Variants in SYT14 observed in about 807,000 individuals in gnomAD.
The protein encoded by SYT14 is synaptotagmin-14.
SYT14 carries 32 observed loss-of-function variants against 74.2 expected under a neutral mutation model. The observed-to-expected ratio is 0.43, with a 90% CI of 0.33 to 0.58. SYT14 has a LOEUF of 0.58. SYT14 is among the 20% of genes least tolerant of loss of function. The probability of loss-of-function intolerance (pLI) is 0.05; values close to 1 mark genes in which losing one functional copy is unlikely to be tolerated. For missense variants in SYT14, 791 were observed against 981.8 expected (o/e 0.81, Z 2.60); for synonymous variants, 298 against 337.7 (o/e 0.88, Z 1.29).
chr1:210,115,439 C>T (rs1286606921), intron 7 of SYT14, among the ~76,000 whole-genome samples: 9 of 151,296 alleles, frequency 5.9e-5, no homozygotes, highest in Non-Finnish European at 5.9e-5. Flanking sequence ...TGATCAGACA[C>T]CTCTGAAACA....
chr1:210,124,697 TCTC>T (rs1456319933), intron 7 of SYT14, among the ~76,000 whole-genome samples: 2 of 152,358 alleles, frequency 1.3e-5, no homozygotes, highest in East Asian at 1.9e-4. Context: ...CGATGTATAA[TCTC>T]CTTAAATTCT....
At chr1:210,009,506 CT>C (rs564911872) in intron 2 of SYT14, among the ~76,000 whole-genome samples, 132 of 146,872 alleles carry the variant, frequency 9.0e-4, no homozygotes, top group Admixed American at 6.8e-3. Context: ...GGGAAAGCTG[CT>C]TTTTTTTTTA....
intron 2 of SYT14, among the ~76,000 whole-genome samples, chr1:209,974,081 G>T (rs1465373818): frequency 6.6e-6 from 1 of 150,936 alleles, no homozygotes; most frequent in African/African-American, 2.4e-5. Flanking sequence ...TTGTAAATTT[G>T]TTTGAGTTCA....
rs532799128 is a variant in SYT14 at position 209,976,498 on chromosome 1, A to G, written c.-486+23742A>G. Among the ~76,000 whole-genome samples the G allele has an allele frequency of 3.1e-4, 47 of 151,992 alleles. No individual in the cohort carries two copies. In the East Asian group the frequency reaches 8.7e-3, roughly 28 times the overall value. ...TTCAGGAGCAGGTTGTTCAGTTTCC[A>G]TGTAGTTGAGCAGTTTTGAGTGAGT... On this transcript the variant is annotated intron_variant, in intron 2 of 9. Coordinates refer to ENST00000637265, the Ensembl canonical transcript of SYT14.
rs943826430 is a variant in SYT14, at chr1:210,061,094, C to CT, written c.1313-33220dup. 7.9e-5 allele frequency among the ~76,000 whole-genome samples: 12 copies of CT among 151,950 alleles called. No homozygotes were observed. In the South Asian group the frequency reaches 1.9e-3, roughly 24 times the overall value. On this transcript the variant is annotated intron_variant, in intron 5 of 9. Transcript: ENST00000637265. Reference sequence around the variant, plus strand: ...ATTTCCCAAAGGCCTGCCATTTAATCTTTTTTTTCATTATCTCAGATACCA... The same window carrying CT: ...ATTTCCCAAAGGCCTGCCATTTAATCTTTTTTTTTCATTATCTCAGATACCA...
rs999316049 is a variant in SYT14 at position 210,016,831 on chromosome 1, G to A, written c.828G>A (p.Glu276=). The A allele has an allele frequency of 5.8e-5, 71 of 1,231,814 alleles. No individual in the cohort carries two copies. The African/African-American group carries it at 9.1e-4, about 16-fold the overall frequency. The allele number at this position is 1,231,814 out of a possible 1,614,324, so 76.3% of individuals were successfully genotyped here. Reference sequence around the variant, plus strand: ...AAAGTAAAGCATCCAAAGGGAATGAGTGTTCAGGAAATGAATGTTCTTTAA... The same window carrying A: ...AAAGTAAAGCATCCAAAGGGAATGAATGTTCAGGAAATGAATGTTCTTTAA... The change falls in exon 4 of 10, where the codon GAG becomes GAA. Residue 276 remains glutamate (E), a synonymous_variant. Transcript: ENST00000637265.
At chr1:210,066,117 A>G (rs978837967) in intron 5 of SYT14, among the ~76,000 whole-genome samples, 21 of 151,932 alleles carry the variant, frequency 1.4e-4, no homozygotes, top group Admixed American at 9.8e-4. Flanking sequence ...TTCTTAATCC[A>G]GTCTATCATT....
At chr1:210,169,429 A>C (rs986420289) in exon 10 of SYT14, 2 of 151,784 alleles carry the variant, frequency 1.3e-5, no homozygotes, top group Non-Finnish European at 1.5e-5. Flanking sequence ...ATATTGAAGC[A>C]TATTTAAACA....
intron 7 of SYT14, among the ~76,000 whole-genome samples, chr1:210,128,717 A>G (rs1403790265): frequency 6.6e-6 from 1 of 152,190 alleles, no homozygotes; most frequent in African/African-American, 2.4e-5. Flanking sequence ...AACAGTGTCT[A>G]TTTCGGGGAC....
rs569825920 is a variant in SYT14, at chr1:210,084,158, G to C, written c.1313-10164G>C. On this transcript the variant is annotated intron_variant, in intron 5 of 9. Coordinates refer to ENST00000637265, the Ensembl canonical transcript of SYT14. ...GGTCAGGCGTAGAGCCTCCTCTACT[G>C]TATCCTCAGTCATCTGGAGAGACTT... Among the ~76,000 whole-genome samples the C allele has an allele frequency of 5.3e-5, 8 of 152,308 alleles. No homozygotes were observed. The East Asian group carries it at 1.5e-3, about 29-fold the overall frequency.
At chr1:210,087,271 G>T (rs886699667) in intron 5 of SYT14, among the ~76,000 whole-genome samples, 1 of 152,126 alleles carries the variant, frequency 6.6e-6, no homozygotes, top group Admixed American at 6.5e-5. Context: ...CTAGTATCCC[G>T]ATAGGCCACC....
At chr1:210,058,882 C>T (rs1250901588) in intron 5 of SYT14, among the ~76,000 whole-genome samples, 2 of 152,086 alleles carry the variant, frequency 1.3e-5, no homozygotes, top group African/African-American at 4.8e-5. Flanking sequence ...AAGTGCAGAC[C>T]TCACTTTGTC....
exon 10 of SYT14, chr1:210,166,640 AAGG>A (rs917532551): frequency 1.6e-4 from 25 of 152,110 alleles, no homozygotes; most frequent in African/African-American, 6.0e-4. Context: ...GGAAAGAATG[AAGG>A]AGAAGGGAAA....
chr1:210,155,448 C>G (rs898572900), intron 7 of SYT14, among the ~76,000 whole-genome samples: 3 of 152,130 alleles, frequency 2.0e-5, no homozygotes, highest in Non-Finnish European at 4.4e-5. Context: ...TTATTAGCAT[C>G]TATAAGTTTA....
rs541192985 is a variant in SYT14 at position 210,011,667 on chromosome 1, C to T, written c.-485-1966C>T. 5.9e-5 allele frequency among the ~76,000 whole-genome samples: 9 copies of T among 152,220 alleles called. No individual in the cohort carries two copies. The South Asian group carries it at 1.9e-3, about 32-fold the overall frequency. ...AGGAAATCAAAGCACTCATCATTGA[C>T]CGGTTGTTGACTTCATTTTTAACAA... On this transcript the variant is annotated intron_variant, in intron 2 of 9. Coordinates refer to ENST00000637265, the Ensembl canonical transcript of SYT14.
intron 7 of SYT14, among the ~76,000 whole-genome samples, chr1:210,141,925 T>TTAACATCTC (rs1457381817): frequency 6.6e-6 from 1 of 152,208 alleles, no homozygotes; most frequent in African/African-American, 2.4e-5. Context: ...GAGATCCCTA[T>TTAACATCTC]TAACATCTCA....
At position 210,052,665 on chromosome 1, in the gene SYT14, C is replaced by CAAAAAAAAAAAA. The variant is rs561069342; in HGVS notation, c.1312+31419_1312+31430dup. The stretch of plus-strand genomic sequence containing the variant: ...CAGCAAGAGCGAAACTACATCTCAC[C>CAAAAAAAAAAAA]AAAAAAAAAAAAAAAAAAAGCTCTC... On this transcript the variant is annotated intron_variant, in intron 5 of 9. Coordinates refer to ENST00000637265, the Ensembl canonical transcript of SYT14. Among the ~76,000 whole-genome samples, 48 of 42,242 alleles carry CAAAAAAAAAAAA rather than the reference C, an allele frequency of 1.1e-3. 5 individuals are homozygous for CAAAAAAAAAAAA. The highest frequency in any genetic ancestry group is 2.6e-3 in the African/African-American group (24 of 9,242). The allele number at this position is 42,242 out of a possible 152,430, so 27.7% of individuals were successfully genotyped here. A position where few individuals can be genotyped will look rare whatever the true frequency, so the allele number is the denominator to read the frequency against.
chr1:210,053,060 A>G (rs2081032442), intron 5 of SYT14, among the ~76,000 whole-genome samples: 1 of 152,216 alleles, frequency 6.6e-6, no homozygotes, highest in Non-Finnish European at 1.5e-5. Context: ...CAGATCAAAG[A>G]AGGGCAAATT....
chr1:209,964,633 A>G (rs2079126656), intron 2 of SYT14, among the ~76,000 whole-genome samples: 1 of 152,176 alleles, frequency 6.6e-6, no homozygotes, highest in South Asian at 2.1e-4. Context: ...AAAGAATCCT[A>G]ATGCAATTGA....
Sources: gnomAD v4.1 joint callset for allele counts (sites outside exome capture counted in the v4.1 genomes callset) on GRCh38, gnomAD v4.1.1 for gene constraint, MANE v1.5 for transcripts, NCBI Gene and HGNC (gene_info 2026-07-23, HGNC 2026-07-21) for gene names.